Variants in SERTAD2 observed in about 807,000 individuals in gnomAD.
The protein encoded by SERTAD2 is SERTA domain containing 2.
In SERTAD2, 2 loss-of-function variants were observed where a neutral mutation model predicts 15.4. The ratio of observed to expected loss-of-function variants is 0.13; its 90% CI spans 0.05 to 0.41. The LOEUF (loss-of-function observed/expected upper bound fraction) is 0.41. SERTAD2 is among the 10% of genes least tolerant of loss of function. The probability of loss-of-function intolerance (pLI) is 0.99; values close to 1 mark genes in which losing one functional copy is unlikely to be tolerated. For missense variants in SERTAD2, 333 were observed against 409.7 expected (o/e 0.81, Z 1.62); for synonymous variants, 180 against 178.0 (o/e 1.01, Z -0.09).
intron 1 of SERTAD2, among the ~76,000 whole-genome samples, chr2:64,651,474 A>G (rs1675007833): frequency 6.6e-6 from 1 of 152,218 alleles, no homozygotes; most frequent in Non-Finnish European, 1.5e-5. Context: ...TTACTCTGCC[A>G]TTGGAACCCT....
In SERTAD2 at chr2:64,634,351, C is replaced by G. The variant is rs1450679160; in HGVS notation, c.*1576G>C. ...CCACTAGGAATAAAAAGCTACTTCT[C>G]AAGTGTGTCCTGGGAGATAAGGTGA... On this transcript the variant is annotated 3_prime_UTR_variant, in exon 2 of 2. Coordinates refer to ENST00000313349, the MANE Select transcript of SERTAD2 (RefSeq NM_014755.3). The G allele has an allele frequency of 8.9e-6, 1 of 112,098 alleles. No individual in the cohort carries two copies. Among genetic ancestry groups the G allele is most frequent in the Non-Finnish European group, 1.7e-5 (1 of 60,082 alleles). 6.9% of individuals were successfully genotyped at this position (112,098 alleles called of 1,614,324 possible). A position where few individuals can be genotyped will look rare whatever the true frequency, so the allele number is the denominator to read the frequency against.
intron 1 of SERTAD2, among the ~76,000 whole-genome samples, chr2:64,650,689 G>C (rs533891727): frequency 3.9e-5 from 6 of 152,214 alleles, no homozygotes; most frequent in Admixed American, 3.9e-4. Context: ...TCTTAAACAG[G>C]AGTCCTGGCT....
rs539755458 is a variant in SERTAD2 at position 64,633,925 on chromosome 2, C to A, written c.*2002G>T. 6.6e-6 allele frequency: 1 copy of A among 152,622 alleles called. No individual in the cohort carries two copies. Among genetic ancestry groups the A allele is most frequent in the Non-Finnish European group, 1.5e-5 (1 of 68,034 alleles). The allele number at this position is 152,622 out of a possible 1,614,324, so 9.5% of individuals were successfully genotyped here. A position where few individuals can be genotyped will look rare whatever the true frequency, so the allele number is the denominator to read the frequency against. On this transcript the variant is annotated 3_prime_UTR_variant, in exon 2 of 2. Transcript: ENST00000313349. ...TACTCAAATCTTTTGCTTAGATGAG[C>A]AGTTCCTTCATCACAAACGTCTTTG...
intron 1 of SERTAD2, among the ~76,000 whole-genome samples, chr2:64,651,563 T>C (rs1324691210): frequency 6.6e-6 from 1 of 152,218 alleles, no homozygotes; most frequent in African/African-American, 2.4e-5. Context: ...ATATGTGCTA[T>C]TTTACTAGGC....
At chr2:64,637,194 T>G (rs1055433192) in intron 1 of SERTAD2, among the ~76,000 whole-genome samples, 2 of 152,240 alleles carry the variant, frequency 1.3e-5, no homozygotes, top group Non-Finnish European at 1.5e-5. Flanking sequence ...TCTCAGCTCA[T>G]GTGCTTGTGT....
chr2:64,638,944 C>T (rs925292184), intron 1 of SERTAD2, among the ~76,000 whole-genome samples: 3 of 152,162 alleles, frequency 2.0e-5, no homozygotes, highest in African/African-American at 7.2e-5. Flanking sequence ...AAAACGTTTT[C>T]TACTTCATGC....
chr2:64,636,320 G>A lies in SERTAD2; in HGVS notation c.552C>T (p.Thr184=), dbSNP rs754805555. The A allele has an allele frequency of 1.2e-6, 2 of 1,614,102 alleles. No homozygotes were observed. The highest frequency in any genetic ancestry group is 1.1e-5 in the South Asian group (1 of 91,092). ...DEIEELCPTS[T]STEAATAATD... is the part of the protein sequence containing the mutation. ...TCGCAGCCGTGGCCGCCTCTGTGGA[G>A]GTAGATGTGGGACAGAGCTCCTCGA... is the stretch of plus-strand genomic sequence containing the variant. The change falls in exon 2 of 2, where the codon ACC becomes ACT. Residue 184 remains threonine, a synonymous_variant. Coordinates refer to ENST00000313349, the MANE Select transcript of SERTAD2 (RefSeq NM_014755.3).
At chr2:64,652,762 T>C (rs2104355592) in intron 1 of SERTAD2, among the ~76,000 whole-genome samples, 1 of 152,232 alleles carries the variant, frequency 6.6e-6, no homozygotes, top group East Asian at 1.9e-4. Context: ...CAATGCAAAC[T>C]ATACCTGATA....
chr2:64,636,326 T>A lies in SERTAD2; in HGVS notation c.546A>T (p.Thr182=), dbSNP rs757901133. 6.2e-7 allele frequency: 1 copy of A among 1,614,184 alleles called. No homozygotes were observed. The highest frequency in any genetic ancestry group is 1.1e-5 in the South Asian group (1 of 91,088). ...CCGTGGCCGCCTCTGTGGAGGTAGATGTGGGACAGAGCTCCTCGATCTCGT... is the reference window on the plus strand; with the variant it reads ...CCGTGGCCGCCTCTGTGGAGGTAGAAGTGGGACAGAGCTCCTCGATCTCGT... The part of the protein sequence containing the change: ...ALDEIEELCP[T]STSTEAATAA... Residue 182 remains threonine, a synonymous_variant, in exon 2 of 2, where the codon ACA becomes ACT. Coordinates refer to ENST00000313349, the MANE Select transcript of SERTAD2 (RefSeq NM_014755.3).
At chr2:64,642,725 G>T (rs977059901) in intron 1 of SERTAD2, among the ~76,000 whole-genome samples, 2 of 152,178 alleles carry the variant, frequency 1.3e-5, no homozygotes, top group South Asian at 4.1e-4. Flanking sequence ...CTGGGTTGGG[G>T]GGGCAGGGGC....
chr2:64,631,826 T>C lies in SERTAD2; in HGVS notation c.*4101A>G, dbSNP rs1338215853. 1.3e-5 allele frequency: 2 copies of C among 152,648 alleles called. No homozygotes were observed. Among genetic ancestry groups the C allele is most frequent in the African/African-American group, 4.8e-5 (2 of 41,448 alleles). 9.5% of individuals were successfully genotyped at this position (152,648 alleles called of 1,614,324 possible). On this transcript the variant is annotated 3_prime_UTR_variant, in exon 2 of 2. Coordinates refer to ENST00000313349, the MANE Select transcript of SERTAD2 (RefSeq NM_014755.3). ...TGGGGGAAAGGTTATACCTCCTTTT[T>C]GACAAAAGCCCTCCTCAAAAACCAT...
At chr2:64,638,153 G>C (rs1674699260) in intron 1 of SERTAD2, among the ~76,000 whole-genome samples, 1 of 152,218 alleles carries the variant, frequency 6.6e-6, no homozygotes, top group Admixed American at 6.5e-5. Context: ...CCTGTCCTCA[G>C]TGTGACTCAC....
chr2:64,653,264 A>C (rs1313861707), intron 1 of SERTAD2, among the ~76,000 whole-genome samples: 1 of 152,186 alleles, frequency 6.6e-6, no homozygotes, highest in Non-Finnish European at 1.5e-5. Flanking sequence ...GTTCACAACA[A>C]CACAACCGCC....
rs1457339625 is a variant in SERTAD2, at chr2:64,634,390, TG to T, written c.*1536del. ...GAGATAAGGTGATGGGGGGGGGAAT[TG>T]GGGGGAGGAGGGAAAACATGCATAG... On this transcript the variant is annotated 3_prime_UTR_variant, in exon 2 of 2. Transcript: ENST00000313349. 5 of 38,446 alleles carry T rather than the reference TG, an allele frequency of 1.3e-4. No individual in the cohort carries two copies. Among genetic ancestry groups the T allele is most frequent in the East Asian group, 1.9e-3 (2 of 1,054 alleles). The allele number at this position is 38,446 out of a possible 1,614,324, so 2.4% of individuals were successfully genotyped here.
rs758747132 is a variant in SERTAD2 at position 64,636,181 on chromosome 2, T to C, written c.691A>G (p.Ile231Val). 3 of 1,614,060 alleles carry C rather than the reference T, an allele frequency of 1.9e-6. No homozygotes were observed. The highest frequency in any genetic ancestry group is 2.5e-6 in the Non-Finnish European group (3 of 1,180,050). Reference sequence around the variant, plus strand: ...GTCAGGAAACCCGTGGACGTCGTTATTTCAAAATTCCCAGGCAGAGAGTCC... The same window carrying C: ...GTCAGGAAACCCGTGGACGTCGTTACTTCAAAATTCCCAGGCAGAGAGTCC... ...LMDSLPGNFEITTSTGFLTDL... is the reference protein window; with the variant it reads ...LMDSLPGNFEVTTSTGFLTDL... The change falls in exon 2 of 2, where the codon ATA becomes GTA. Residue 231 changes from isoleucine to valine, a missense_variant. Physicochemically the swap from Ile to Val is conservative, Grantham distance 29. Coordinates refer to ENST00000313349, the MANE Select transcript of SERTAD2 (RefSeq NM_014755.3).
intron 1 of SERTAD2, among the ~76,000 whole-genome samples, chr2:64,649,868 G>A (rs967437304): frequency 6.6e-6 from 1 of 152,138 alleles, no homozygotes; most frequent in Non-Finnish European, 1.5e-5. Flanking sequence ...GGGTGGAGGT[G>A]GGCCGGGCAC....
chr2:64,653,237 TAA>T, intron 1 of SERTAD2, among the ~76,000 whole-genome samples: 1 of 151,998 alleles, frequency 6.6e-6, no homozygotes, highest in African/African-American at 2.4e-5. Flanking sequence ...ATCCGAGCCT[TAA>T]AAAAAGTCTC....
At chr2:64,640,273 A>T (rs994828692) in intron 1 of SERTAD2, among the ~76,000 whole-genome samples, 1 of 152,158 alleles carries the variant, frequency 6.6e-6, no homozygotes, top group Non-Finnish European at 1.5e-5. Flanking sequence ...CTAGAGGGGG[A>T]GGGCAGTGGG....
chr2:64,652,977 T>C (rs1293752558), intron 1 of SERTAD2, among the ~76,000 whole-genome samples: 1 of 152,164 alleles, frequency 6.6e-6, no homozygotes, highest in African/African-American at 2.4e-5. Flanking sequence ...CCCCCTCCCT[T>C]TCAGTCATAG....
Sources: gnomAD v4.1 joint callset for allele counts (sites outside exome capture counted in the v4.1 genomes callset) on GRCh38, gnomAD v4.1.1 for gene constraint, MANE v1.5 for transcripts, NCBI Gene and HGNC (gene_info 2026-07-23, HGNC 2026-07-21) for gene names.